NEK3: variants seen among roughly 807,000 people sequenced by gnomAD.
NEK3 encodes the protein serine/threonine-protein kinase Nek3.
Under a neutral mutation model 66.0 loss-of-function variants are expected in NEK3, and 54 were observed. The ratio of observed to expected loss-of-function variants is 0.82; its 90% CI spans 0.66 to 1.03. The LOEUF is 1.03. Ranked by LOEUF, NEK3 falls within the 50% of genes least tolerant of loss-of-function variation. NEK3 has a pLI of 0.00. For missense variants in NEK3, 593 were observed against 603.0 expected, an observed-to-expected ratio of 0.98 and a Z score of 0.17; for synonymous variants, 200 against 206.2, an observed-to-expected ratio of 0.97 and a Z score of 0.26.
intron 11 of NEK3, among the ~76,000 whole-genome samples, chr13:52,137,945 C>G (rs1231671752): frequency 6.6e-6 from 1 of 152,210 alleles, no homozygotes; most frequent in Non-Finnish European, 1.5e-5. Flanking sequence ...TTGCTGTGTT[C>G]ACTACAGGTG....
intron 8 of NEK3, among the ~76,000 whole-genome samples, chr13:52,147,910 C>G (rs1410486682): frequency 2.0e-5 from 3 of 152,090 alleles, no homozygotes; most frequent in Non-Finnish European, 4.4e-5. Flanking sequence ...GCAGGAGAAT[C>G]ACTTGAACCC....
chr13:52,134,211 G>A (rs952945501), intron 14 of NEK3, among the ~76,000 whole-genome samples: 3 of 152,004 alleles, frequency 2.0e-5, no homozygotes, highest in Non-Finnish European at 4.4e-5. Context: ...TTTTAGTAGA[G>A]GCGAGGTCTC....
At chr13:52,140,541 G>A (rs1176071595) in intron 11 of NEK3, among the ~76,000 whole-genome samples, 1 of 151,948 alleles carries the variant, frequency 6.6e-6, no homozygotes, top group Non-Finnish European at 1.5e-5. Context: ...CCAGGAGGCG[G>A]GGCTTGCAGT....
At chr13:52,150,550 C>T (rs1431321671) in intron 7 of NEK3, among the ~76,000 whole-genome samples, 1 of 152,076 alleles carries the variant, frequency 6.6e-6, no homozygotes, top group Non-Finnish European at 1.5e-5. Flanking sequence ...GGTCTATTTC[C>T]AATCTTCCCT....
intron 10 of NEK3, among the ~76,000 whole-genome samples, chr13:52,142,781 A>G (rs548498438): frequency 6.6e-6 from 1 of 152,286 alleles, no homozygotes; most frequent in African/African-American, 2.4e-5. Flanking sequence ...GATCTCCTAC[A>G]CTTCTTAATT....
At chr13:52,149,737 C>T (rs368627928) in intron 7 of NEK3, among the ~76,000 whole-genome samples, 21 of 152,068 alleles carry the variant, frequency 1.4e-4, no homozygotes, top group Admixed American at 6.5e-5. Context: ...GGTGTGGCGG[C>T]GGGCGCCTGT....
chr13:52,157,094 T>C (rs1469511725), intron 1 of NEK3: 1 of 152,200 alleles, frequency 6.6e-6, no homozygotes, highest in African/African-American at 2.4e-5. Context: ...CTAAAGAAAT[T>C]ACATTCAGTT....
chr13:52,154,403 A>C (rs1343337059), intron 2 of NEK3, among the ~76,000 whole-genome samples: 1 of 151,992 alleles, frequency 6.6e-6, no homozygotes, highest in Non-Finnish European at 1.5e-5. Flanking sequence ...TTCTTTTTTC[A>C]TTCCTTACAC....
Position 52,133,782 on chromosome 13 carries a change from T to C in NEK3, c.1343A>G (p.Glu448Gly). The change falls in exon 15 of 16, where the codon GAA (glutamate) becomes GGA (glycine). Residue 448 changes from glutamate to glycine, a missense_variant. By Grantham distance (98) the Glu-to-Gly change is moderately conservative. Transcript: ENST00000610828. ...SEGFLKGPLSEETEASDSVDG... is the reference protein window; with the variant it reads ...SEGFLKGPLSGETEASDSVDG... ...AACACTGTCCGATGCTTCTGTTTCTTCAGACAGGGGGCCTTTCAAGAACCC... is the reference window on the plus strand; with the variant it reads ...AACACTGTCCGATGCTTCTGTTTCTCCAGACAGGGGGCCTTTCAAGAACCC... 6.3e-7 allele frequency: 1 copy of C among 1,597,910 alleles called. No homozygotes were observed. The highest frequency in any genetic ancestry group is 8.5e-7 in the Non-Finnish European group (1 of 1,171,526).
At chr13:52,143,269 T>C (rs1301402869) in intron 10 of NEK3, among the ~76,000 whole-genome samples, 4 of 152,020 alleles carry the variant, frequency 2.6e-5, no homozygotes, top group African/African-American at 7.2e-5. Flanking sequence ...TGAGCCGAGA[T>C]TGTGCCATTG....
At position 52,153,948 on chromosome 13, in the gene NEK3, C is replaced by T; in HGVS notation, c.256G>A (p.Asp86Asn). The T allele has an allele frequency of 1.2e-6, 2 of 1,612,922 alleles. No individual in the cohort carries two copies. The highest frequency in any genetic ancestry group is 1.1e-5 in the South Asian group (1 of 91,032). ...YIVMEYCDGG[D>N]LMQKIKQQKG... ...TGCTGTTTAATCTTTTGCATTAGAT[C>T]CCCTCCATCACAGTATTCCATCACA... Residue 86 changes from aspartate (D) to asparagine (N), a missense_variant, in exon 4 of 16, where the codon GAT (aspartate) becomes AAT (asparagine). By Grantham distance (23) the Asp-to-Asn change is conservative (BLOSUM62 1). Transcript: ENST00000610828.
In NEK3 at chr13:52,156,074, C is replaced by A. The variant is rs771935441; in HGVS notation, c.117+1G>T. The A allele has an allele frequency of 5.1e-6, 8 of 1,573,572 alleles. No homozygotes were observed. In the South Asian group the frequency reaches 9.2e-5, roughly 18 times the overall value. ...AGTGAGCTAATTTCTTTAGTAGTGA[C>A]CTTGGGAAGCCTTATTTCTTTCATG... On this transcript the variant is annotated splice_donor_variant, in intron 2 of 15. Coordinates refer to ENST00000610828, the MANE Select transcript of NEK3 (RefSeq NM_002498.3). LOFTEE classifies it high-confidence loss of function.
chr13:52,138,919 AG>A (rs1467030725), intron 11 of NEK3, among the ~76,000 whole-genome samples: 1 of 152,066 alleles, frequency 6.6e-6, no homozygotes, highest in Non-Finnish European at 1.5e-5. Flanking sequence ...CAACAGAGAG[AG>A]AGAGAGAGAG....
intron 5 of NEK3, among the ~76,000 whole-genome samples, chr13:52,151,755 A>G (rs1256876232): frequency 6.6e-6 from 1 of 152,238 alleles, no homozygotes; most frequent in African/African-American, 2.4e-5. Flanking sequence ...GGACACATTA[A>G]TATACACAGT....
chr13:52,136,683 G>T, intron 12 of NEK3, 117 bp downstream of exon 12: 2 of 576,586 alleles, frequency 3.5e-6, no homozygotes, highest in South Asian at 2.9e-5. Flanking sequence ...TAAGTTACTA[G>T]ATAAGCAAAC....
chr13:52,146,531 G>A (rs1956296950), intron 8 of NEK3, among the ~76,000 whole-genome samples: 1 of 152,078 alleles, frequency 6.6e-6, no homozygotes, highest in African/African-American at 2.4e-5. Context: ...AAAGAAGAAC[G>A]TATACATGTA....
At chr13:52,147,035 C>A (rs1484990993) in intron 8 of NEK3, among the ~76,000 whole-genome samples, 2 of 152,172 alleles carry the variant, frequency 1.3e-5, no homozygotes, top group Non-Finnish European at 2.9e-5. Context: ...AATGGCTGAA[C>A]AAGCGGGACA....
Position 52,136,056 on chromosome 13 carries a change from CTAAG to C in NEK3, c.1174+56_1174+59del, listed in dbSNP as rs1175451168. On this transcript the variant is annotated intron_variant, in intron 13 of 15. Transcript: ENST00000610828. ...CAGACATTAAAAGGCTCTAAGTGCA[CTAAG>C]TAACTATTAGAAAAAGTTCTCTAAT... The C allele has an allele frequency of 3.5e-5, 55 of 1,592,948 alleles. No individual in the cohort carries two copies. The East Asian group carries it at 9.4e-4, about 27-fold the overall frequency.
chr13:52,159,348 C>G (rs1956424081), intron 1 of NEK3, 195 bp downstream of exon 1: 1 of 152,344 alleles, frequency 6.6e-6, no homozygotes, highest in Non-Finnish European at 1.5e-5. Context: ...ACCCCCACGG[C>G]ACCGCGCGCC....
Sources: gnomAD v4.1 joint callset for allele counts (sites outside exome capture counted in the v4.1 genomes callset) on GRCh38, gnomAD v4.1.1 for gene constraint, MANE v1.5 for transcripts, NCBI Gene and HGNC (gene_info 2026-07-23, HGNC 2026-07-21) for gene names.